The following DNAH14 variants were observed in gnomAD, a reference collection of about 807,000 sequenced individuals.
DNAH14 encodes the protein dynein axonemal heavy chain 14.
A neutral mutation model predicts 520.9 loss-of-function variants in DNAH14; 478 were observed. The ratio of observed to expected loss-of-function variants is 0.92; its 90% confidence interval spans 0.85 to 0.99. The LOEUF (loss-of-function observed/expected upper bound fraction) is 0.99. DNAH14 is among the 50% of genes least tolerant of loss of function. The pLI is 0.00. For missense variants in DNAH14, 4,831 were observed against 5,234.5 expected (o/e 0.92, Z 2.38); for synonymous variants, 1,581 against 1,757.2 (o/e 0.90, Z 2.51).
At chr1:225,384,845 A>G (rs1434514675) in intron 81 of DNAH14, among the ~76,000 whole-genome samples, 3 of 152,238 alleles carry the variant, frequency 2.0e-5, no homozygotes, top group Non-Finnish European at 4.4e-5. Flanking sequence ...TCCAATCAAT[A>G]GAAAAAGAGG....
At chr1:224,957,968 T>G (rs1262180511) in intron 3 of DNAH14, among the ~76,000 whole-genome samples, 1 of 151,970 alleles carries the variant, frequency 6.6e-6, no homozygotes, top group Non-Finnish European at 1.5e-5. Flanking sequence ...TAGTTAATAG[T>G]GTAGGCATGA....
At chr1:225,021,007 TAA>T (rs1359226068) in intron 10 of DNAH14, among the ~76,000 whole-genome samples, 1 of 151,770 alleles carries the variant, frequency 6.6e-6, no homozygotes, top group Non-Finnish European at 1.5e-5. Context: ...TGCAAATCAA[TAA>T]GTGTGATTTA....
chr1:225,342,822 G>A (rs184109680), intron 69 of DNAH14, among the ~76,000 whole-genome samples: 2 of 152,018 alleles, frequency 1.3e-5, no homozygotes, highest in Non-Finnish European at 2.9e-5. Flanking sequence ...GAACTTTTGG[G>A]GCGGGGATGC....
intron 10 of DNAH14, among the ~76,000 whole-genome samples, chr1:225,014,883 G>A (rs777417260): frequency 2.6e-5 from 4 of 152,184 alleles, no homozygotes; most frequent in Admixed American, 6.5e-5. Context: ...ATTTGATGCT[G>A]AGAGTGGAAT....
In DNAH14 at chr1:225,257,974, A is replaced by C; in HGVS notation, c.6880A>C (p.Thr2294Pro). 1 of 1,549,498 alleles carries C rather than the reference A, an allele frequency of 6.5e-7. No individual in the cohort carries two copies. The highest frequency in any genetic ancestry group is 8.7e-7 in the Non-Finnish European group (1 of 1,146,194). ...TLIQRGTSLL[T>P]NLQRSGGNFL... The stretch of plus-strand genomic sequence containing the variant: ...TGTTAACTTAGGAACTTCATTACTA[A>C]CTAATCTTCAAAGATCTGGCGGAAA... The change falls in exon 45 of 86, where the codon ACT (threonine) becomes CCT (proline). Residue 2294 changes from threonine (T) to proline (P), a missense_variant. Transcript: ENST00000682510.
At chr1:225,275,231 C>T (rs675631) in intron 52 of DNAH14, among the ~76,000 whole-genome samples, 145,433 of 152,310 alleles carry the variant, frequency 0.95, 69,511 homozygotes, top group East Asian at 1. Flanking sequence ...CAGTGCCAGA[C>T]AGCAAGTGGG....
intron 79 of DNAH14, among the ~76,000 whole-genome samples, chr1:225,378,637 C>T (rs747295096): frequency 6.6e-6 from 1 of 152,114 alleles, no homozygotes; most frequent in East Asian, 1.9e-4. Context: ...GATGCCAGCA[C>T]TTTGGGAGGC....
chr1:225,275,788 TAAG>T (rs1278122773), intron 52 of DNAH14, 123 bp from the exon 53 acceptor site: 1 of 173,402 alleles, frequency 5.8e-6, no homozygotes, highest in East Asian at 1.8e-4. Context: ...CAAAAAAAGT[TAAG>T]AACACATTAG....
rs192487614 is a variant in DNAH14 at position 225,336,083 on chromosome 1, A to G, written c.10081-1183A>G. Among the ~76,000 whole-genome samples the G allele has an allele frequency of 3.3e-4, 41 of 123,438 alleles. No individual in the cohort carries two copies. The East Asian group carries it at 8.6e-3, about 26-fold the overall frequency. The allele number at this position is 123,438 out of a possible 152,430, so 81.0% of individuals were successfully genotyped here. On this transcript the variant is annotated intron_variant, in intron 66 of 85. Transcript: ENST00000682510. ...TATGTATACATACATACTTATATAT[A>G]CATATATGCTTATACATATATGTAT... is the stretch of plus-strand genomic sequence containing the variant.
chr1:225,190,071 C>T (rs2085229130), intron 37 of DNAH14, among the ~76,000 whole-genome samples: 1 of 151,928 alleles, frequency 6.6e-6, no homozygotes, highest in Non-Finnish European at 1.5e-5. Flanking sequence ...TCCCCTTATT[C>T]ATGGGGAATA....
Position 224,975,286 on chromosome 1 carries a change from G to C in DNAH14, c.830+1133G>C, listed in dbSNP as rs564904246. ...CACTCTTTTTCTATTGATTGGAATA[G>C]TTTCAGAAGGAATAGTACCAGTTCC... On this transcript the variant is annotated intron_variant, in intron 8 of 85. Coordinates refer to ENST00000682510, the MANE Select transcript of DNAH14 (RefSeq NM_001367479.1). 6.9e-4 allele frequency among the ~76,000 whole-genome samples: 105 copies of C among 152,300 alleles called. 4 individuals are homozygous for C. The South Asian group carries it at 0.02, about 29-fold the overall frequency.
rs138572055 is a variant in DNAH14, at chr1:225,024,771, T to C, written c.1358+906T>C. The stretch of plus-strand genomic sequence containing the variant: ...ATAGTGCATTATAATTTTATTTCCT[T>C]TAAAACATTGCGTGTGTGTGTTTAG... On this transcript the variant is annotated intron_variant, in intron 11 of 85. Transcript: ENST00000682510. Among the ~76,000 whole-genome samples the C allele has an allele frequency of 2.1e-3, 321 of 152,256 alleles. 1 individual carries two copies. The highest frequency in any genetic ancestry group is 7.4e-3 in the African/African-American group (307 of 41,570).
intron 43 of DNAH14, among the ~76,000 whole-genome samples, chr1:225,244,073 C>T (rs956768513): frequency 4.0e-5 from 6 of 151,804 alleles, no homozygotes; most frequent in African/African-American, 9.7e-5. Context: ...TTGAATTTAT[C>T]GAAGGCCTTT....
chr1:225,216,565 C>G (rs770753438), intron 41 of DNAH14, among the ~76,000 whole-genome samples: 28 of 152,170 alleles, frequency 1.8e-4, no homozygotes, highest in Non-Finnish European at 2.4e-4. Context: ...TTCACATAAT[C>G]CCATATTTCG....
intron 61 of DNAH14, among the ~76,000 whole-genome samples, chr1:225,321,010 C>T (rs648011): frequency 0.4 from 60,430 of 151,982 alleles, 13,087 homozygotes; most frequent in African/African-American, 0.57. Flanking sequence ...AGGTTCCTTA[C>T]TGGAGCTCTC....
At chr1:225,304,605 C>T (rs2094204372) in intron 57 of DNAH14, among the ~76,000 whole-genome samples, 3 of 151,888 alleles carry the variant, frequency 2.0e-5, no homozygotes, top group Admixed American at 6.6e-5. Context: ...ACATTATAAC[C>T]CTTGGCCATT....
At chr1:225,061,588 C>T (rs2070123016) in intron 17 of DNAH14, among the ~76,000 whole-genome samples, 1 of 152,208 alleles carries the variant, frequency 6.6e-6, no homozygotes, top group South Asian at 2.1e-4. Flanking sequence ...CAGAAATCAC[C>T]CATCTTCTGC....
intron 76 of DNAH14, among the ~76,000 whole-genome samples, chr1:225,365,988 T>C (rs977141075): frequency 6.6e-5 from 10 of 152,178 alleles, no homozygotes; most frequent in African/African-American, 2.4e-4. Context: ...ATGATAATTT[T>C]CTTGATATAT....
In DNAH14 at chr1:225,360,764, C is replaced by G. The variant is rs146438399; in HGVS notation, c.11860C>G (p.Arg3954Gly). 92 of 1,551,534 alleles carry G rather than the reference C, an allele frequency of 5.9e-5. No homozygotes were observed. In the South Asian group the frequency reaches 1.1e-3, roughly 18 times the overall value. The change falls in exon 75 of 86, where the codon CGT (arginine) becomes GGT (glycine). Residue 3954 changes from arginine (R) to glycine (G), a missense_variant. Transcript: ENST00000682510. ...TCATGTGACCATAATTTCTCTGGGC[C>G]GTGACCAAGCAGCTAAAGCTGAAGA... ...THHVTIISLG[R>G]DQAAKAEDLI...
Sources: allele counts gnomAD v4.1 joint callset (sites outside exome capture counted in the v4.1 genomes callset), GRCh38; gene constraint gnomAD v4.1.1; transcripts MANE v1.5; gene names NCBI Gene and HGNC (gene_info 2026-07-23, HGNC 2026-07-21).